SLC5A3: variants seen among roughly 807,000 people sequenced by gnomAD.
SLC5A3 encodes the protein sodium/myo-inositol cotransporter.
A neutral mutation model predicts 43.2 loss-of-function variants in SLC5A3; 10 were observed. The ratio of observed to expected loss-of-function variants is 0.23; its 90% CI spans 0.14 to 0.39. The LOEUF (loss-of-function observed/expected upper bound fraction) is 0.39, where lower values mean the gene tolerates loss of function less well. Among genes scored for constraint, SLC5A3 ranks in the 10% least tolerant of loss-of-function variants. The probability of loss-of-function intolerance (pLI) is 1.00; values close to 1 mark genes in which losing one functional copy is unlikely to be tolerated. For missense variants in SLC5A3, 608 were observed against 893.4 expected, an observed-to-expected ratio of 0.68 and a Z score of 4.07; for synonymous variants, 349 against 322.0, an observed-to-expected ratio of 1.08 and a Z score of -0.90.
rs1014908386 is a variant in SLC5A3 at position 34,100,462 on chromosome 21, G to A, written c.*3107G>A. The A allele has an allele frequency of 1.9e-5, 19 of 1,000,104 alleles. No homozygotes were observed. Among genetic ancestry groups the A allele is most frequent in the Admixed American group, 6.2e-5 (1 of 16,254 alleles). 62.0% of individuals were successfully genotyped at this position (1,000,104 alleles called of 1,614,324 possible). On this transcript the variant is annotated 3_prime_UTR_variant, in exon 2 of 2. Transcript: ENST00000381151. The stretch of plus-strand genomic sequence containing the variant: ...TGTCTTTAGATTAGAGAAGCATCAA[G>A]CAATAGCAATGGTGCTGTGTCCTTC...
rs1208994855 is a variant in SLC5A3, at chr21:34,096,801, C to A, written c.1603C>A (p.Pro535Thr). ...ITVIVSLLTP[P>T]PTKEQIRTTT... is the part of the protein sequence containing the mutation. ...TGTAATTGTGAGCCTTCTCACACCA[C>A]CTCCCACAAAGGAACAGATTCGAAC... is the stretch of plus-strand genomic sequence containing the variant. The change falls in exon 2 of 2, where the codon CCT becomes ACT. Residue 535 changes from proline to threonine, a missense_variant. Pro to Thr is a conservative substitution (Grantham distance 38, BLOSUM62 -1). Coordinates refer to ENST00000381151, the MANE Select transcript of SLC5A3 (RefSeq NM_006933.7). The surrounding 1 kb of genome is among the most constrained non-coding windows in gnomAD (Gnocchi z 5.9). The A allele has an allele frequency of 1.2e-6, 2 of 1,614,016 alleles. No homozygotes were observed.
chr21:34,102,187 C>A lies in SLC5A3; in HGVS notation c.*4832C>A. Reference sequence around the variant, plus strand: ...TACTTTAGCTGTTCAGCTACTTTGACTCCTAGGAGAGAATTTAGTTAAGGT... The same window carrying A: ...TACTTTAGCTGTTCAGCTACTTTGAATCCTAGGAGAGAATTTAGTTAAGGT... On this transcript the variant is annotated 3_prime_UTR_variant, in exon 2 of 2. Coordinates refer to ENST00000381151, the MANE Select transcript of SLC5A3 (RefSeq NM_006933.7). 1.0e-6 allele frequency: 1 copy of A among 999,824 alleles called. No individual in the cohort carries two copies. Among genetic ancestry groups the A allele is most frequent in the Non-Finnish European group, 1.2e-6 (1 of 829,728 alleles). 61.9% of individuals were successfully genotyped at this position (999,824 alleles called of 1,614,324 possible).
chr21:34,085,813 A>AG (rs1978341569), intron 1 of SLC5A3, among the ~76,000 whole-genome samples: 1 of 152,112 alleles, frequency 6.6e-6, no homozygotes, highest in Admixed American at 6.5e-5. Flanking sequence ...CGTGTTAGCT[A>AG]GGGTGGTCTT....
chr21:34,101,668 A>G lies in SLC5A3; in HGVS notation c.*4313A>G. 1.0e-6 allele frequency: 1 copy of G among 1,000,166 alleles called. No homozygotes were observed. The highest frequency in any genetic ancestry group is 1.2e-6 in the Non-Finnish European group (1 of 829,940). The allele number at this position is 1,000,166 out of a possible 1,614,324, so 62.0% of individuals were successfully genotyped here. Reference sequence around the variant, plus strand: ...GTCAGCTTAGTTCACTTTAAGGCATATTGGCATGGTGTGTGAAAGTGATGT... The same window carrying G: ...GTCAGCTTAGTTCACTTTAAGGCATGTTGGCATGGTGTGTGAAAGTGATGT... On this transcript the variant is annotated 3_prime_UTR_variant, in exon 2 of 2. Coordinates refer to ENST00000381151, the MANE Select transcript of SLC5A3 (RefSeq NM_006933.7).
chr21:34,076,009 G>GT (rs1381009004), intron 1 of SLC5A3, among the ~76,000 whole-genome samples: 3 of 152,270 alleles, frequency 2.0e-5, no homozygotes, highest in Admixed American at 6.5e-5. Context: ...TCAAAGTTGC[G>GT]TATCTTCCAC....
rs138593655 is a variant in SLC5A3, at chr21:34,084,625, A to G, written c.-336-10238A>G. On this transcript the variant is annotated intron_variant, in intron 1 of 1. Coordinates refer to ENST00000381151, the MANE Select transcript of SLC5A3 (RefSeq NM_006933.7). ...AATTCTCTTGAATCCTCAGCCATCT[A>G]AGGTTAGGTAGAGCTATTTCCATTT... Among the ~76,000 whole-genome samples, 37 of 152,292 alleles carry G rather than the reference A, an allele frequency of 2.4e-4. No individual in the cohort carries two copies. In the East Asian group the frequency reaches 7.0e-3, roughly 29 times the overall value.
intron 1 of SLC5A3, among the ~76,000 whole-genome samples, chr21:34,084,878 G>A (rs1027245839): frequency 6.6e-6 from 1 of 152,072 alleles, no homozygotes; most frequent in Non-Finnish European, 1.5e-5. Flanking sequence ...ACACTTGTAT[G>A]ATTTTTGCCT....
At position 34,099,294 on chromosome 21, in the gene SLC5A3, T is replaced by C. The variant is rs1979122535; in HGVS notation, c.*1939T>C. 7.0e-6 allele frequency: 7 copies of C among 1,000,212 alleles called. No individual in the cohort carries two copies. In the South Asian group the frequency reaches 3.3e-4, roughly 47 times the overall value. The allele number at this position is 1,000,212 out of a possible 1,614,324, so 62.0% of individuals were successfully genotyped here. ...AGTTGAGGCTGCGACATGTCCAAGG[T>C]TATGAAGTCTCTTTTGGGAAGAACA... On this transcript the variant is annotated 3_prime_UTR_variant, in exon 2 of 2. Coordinates refer to ENST00000381151, the MANE Select transcript of SLC5A3 (RefSeq NM_006933.7).
At chr21:34,086,182 T>C (rs147399220) in intron 1 of SLC5A3, among the ~76,000 whole-genome samples, 146 of 152,314 alleles carry the variant, frequency 9.6e-4, no homozygotes, top group Non-Finnish European at 1.2e-3. Flanking sequence ...TGTAGACCCA[T>C]AGGTTCTAGA....
rs533050687 is a variant in SLC5A3, at chr21:34,097,650, A to G, written c.*295A>G. The G allele has an allele frequency of 4.6e-5, 51 of 1,096,928 alleles. No homozygotes were observed. The highest frequency in any genetic ancestry group is 3.4e-4 in the East Asian group (5 of 14,858). 67.9% of individuals were successfully genotyped at this position (1,096,928 alleles called of 1,614,324 possible). On this transcript the variant is annotated 3_prime_UTR_variant, in exon 2 of 2. Coordinates refer to ENST00000381151, the MANE Select transcript of SLC5A3 (RefSeq NM_006933.7). ...TCTCACAGAGCACTTAGAGCAGAATATATGTTAAGTTACCATGAATTAAGG... is the reference window on the plus strand; with the variant it reads ...TCTCACAGAGCACTTAGAGCAGAATGTATGTTAAGTTACCATGAATTAAGG...
chr21:34,097,511 T>G lies in SLC5A3; in HGVS notation c.*156T>G, dbSNP rs1979022482. On this transcript the variant is annotated 3_prime_UTR_variant, in exon 2 of 2. Transcript: ENST00000381151. Reference sequence around the variant, plus strand: ...ATCATCTAATTACAAGACTTTATTTTCCCAGAGATGGATTAAAGTAAATCT... The same window carrying G: ...ATCATCTAATTACAAGACTTTATTTGCCCAGAGATGGATTAAAGTAAATCT... The G allele has an allele frequency of 7.1e-7, 1 of 1,400,810 alleles. No individual in the cohort carries two copies. Among genetic ancestry groups the G allele is most frequent in the Non-Finnish European group, 9.3e-7 (1 of 1,075,146 alleles). 86.8% of individuals were successfully genotyped at this position (1,400,810 alleles called of 1,614,324 possible).
chr21:34,087,923 A>G lies in SLC5A3; in HGVS notation c.-336-6940A>G, dbSNP rs554363585. Among the ~76,000 whole-genome samples, 5 of 152,318 alleles carry G rather than the reference A, an allele frequency of 3.3e-5. No homozygotes were observed. In the South Asian group the frequency reaches 1.0e-3, roughly 32 times the overall value. On this transcript the variant is annotated intron_variant, in intron 1 of 1. Coordinates refer to ENST00000381151, the MANE Select transcript of SLC5A3 (RefSeq NM_006933.7). Reference sequence around the variant, plus strand: ...ATTGATTGCATGTGGGTTGAGGGAGAAAGTGAGCAGTCAAGGATGACTAAA... The same window carrying G: ...ATTGATTGCATGTGGGTTGAGGGAGGAAGTGAGCAGTCAAGGATGACTAAA...
At chr21:34,087,307 A>AC (rs11427670) in intron 1 of SLC5A3, among the ~76,000 whole-genome samples, 152,149 of 152,302 alleles carry the variant, frequency 1, 75,998 homozygotes, top group Middle Eastern at 1. Context: ...TGCTTAAAAA[A>AC]CCACTGTTGA....
At chr21:34,075,855 G>A (rs541429124) in intron 1 of SLC5A3, among the ~76,000 whole-genome samples, 108 of 152,286 alleles carry the variant, frequency 7.1e-4, no homozygotes, top group Admixed American at 5.1e-3. Flanking sequence ...GGGGGGAAAC[G>A]AATTTAAAAA....
intron 1 of SLC5A3, among the ~76,000 whole-genome samples, chr21:34,082,578 C>T (rs1989483450): frequency 6.6e-6 from 1 of 151,924 alleles, no homozygotes; most frequent in African/African-American, 2.4e-5. Flanking sequence ...AATAGTTTAC[C>T]CATGATCCCT....
In SLC5A3 at chr21:34,101,660, T is replaced by A. The variant is rs999345289; in HGVS notation, c.*4305T>A. The A allele has an allele frequency of 2.0e-6, 2 of 1,000,104 alleles. No individual in the cohort carries two copies. Among genetic ancestry groups the A allele is most frequent in the East Asian group, 2.3e-4 (2 of 8,838 alleles). The allele number at this position is 1,000,104 out of a possible 1,614,324, so 62.0% of individuals were successfully genotyped here. On this transcript the variant is annotated 3_prime_UTR_variant, in exon 2 of 2. Transcript: ENST00000381151. The stretch of plus-strand genomic sequence containing the variant: ...ATTTTTTTGTCAGCTTAGTTCACTT[T>A]AAGGCATATTGGCATGGTGTGTGAA...
chr21:34,080,964 T>G (rs1989445802), intron 1 of SLC5A3, among the ~76,000 whole-genome samples: 1 of 152,234 alleles, frequency 6.6e-6, no homozygotes, highest in Non-Finnish European at 1.5e-5. Context: ...CAGGTAATCT[T>G]GTTTCCGTAA....
At chr21:34,079,398 G>A (rs1267545211) in intron 1 of SLC5A3, among the ~76,000 whole-genome samples, 1 of 151,928 alleles carries the variant, frequency 6.6e-6, no homozygotes, top group Non-Finnish European at 1.5e-5. Flanking sequence ...TTCTTATGCT[G>A]CTGTTTTCTG....
rs1979291770 is a variant in SLC5A3, at chr21:34,102,527, C to G, written c.*5172C>G. 1.0e-6 allele frequency: 1 copy of G among 999,786 alleles called. No individual in the cohort carries two copies. The allele number at this position is 999,786 out of a possible 1,614,324, so 61.9% of individuals were successfully genotyped here. A position where few individuals can be genotyped will look rare whatever the true frequency, so the allele number is the denominator to read the frequency against. ...AATAAACAAAAACTGTTTGGTATATCTGTATCATTGCTAATCTTGTGCACT... is the reference window on the plus strand; with the variant it reads ...AATAAACAAAAACTGTTTGGTATATGTGTATCATTGCTAATCTTGTGCACT... On this transcript the variant is annotated 3_prime_UTR_variant, in exon 2 of 2. Coordinates refer to ENST00000381151, the MANE Select transcript of SLC5A3 (RefSeq NM_006933.7).
Sources: allele counts gnomAD v4.1 joint callset (sites outside exome capture counted in the v4.1 genomes callset), GRCh38; gene constraint gnomAD v4.1.1; non-coding constraint Gnocchi (gnomAD v3.1); transcripts MANE v1.5; gene names NCBI Gene and HGNC (gene_info 2026-07-23, HGNC 2026-07-21).